KRT86: variants seen among roughly 807,000 people sequenced by gnomAD.
The protein encoded by KRT86 is keratin 86, also known as keratin, type II cuticular Hb6.
KRT86 carries 30 observed loss-of-function variants against 41.2 expected under a neutral mutation model. That is an observed-to-expected ratio of 0.73 (90% CI 0.54 to 0.99). The LOEUF (loss-of-function observed/expected upper bound fraction) is 0.99. Ranked by LOEUF, KRT86 falls within the 50% of genes least tolerant of loss-of-function variation. KRT86 has a pLI of 0.00. For missense variants in KRT86, 561 were observed against 571.4 expected, an observed-to-expected ratio of 0.98 and a Z score of 0.19; for synonymous variants, 238 against 238.1, an observed-to-expected ratio of 1.00 and a Z score of 0.00.
rs766555284 is a variant in KRT86, at chr12:52,301,930, C to G, written c.14C>G (p.Ser5Cys). The change falls in exon 3 of 11, where the codon TCT (serine) becomes TGT (cysteine). Residue 5 changes from serine to cysteine, a missense_variant. This residue lies in a region of KRT86 where 164 missense variants were observed against 172.5 expected (regional missense o/e 0.95). Transcript: ENST00000423955. ...CCAAAAAGCACCATGACTTGTGGATCTTACTGTGGTGGCCGCGCCTTCAGC... is the reference window on the plus strand; with the variant it reads ...CCAAAAAGCACCATGACTTGTGGATGTTACTGTGGTGGCCGCGCCTTCAGC... MTCGSYCGGRAFSCI... is the reference protein window; with the variant it reads MTCGCYCGGRAFSCI... 2 of 1,613,882 alleles carry G rather than the reference C, an allele frequency of 1.2e-6. No individual in the cohort carries two copies. The highest frequency in any genetic ancestry group is 1.6e-4 in the Middle Eastern group (1 of 6,062).
intron 2 of KRT86, chr12:52,286,094 G>A: frequency 1.4e-6 from 1 of 695,856 alleles, no homozygotes; most frequent in South Asian, 1.8e-5. Context: ...GCAGAGCCCA[G>A]AAGTGGGGGA....
At chr12:52,288,404 G>A (rs1163189405) in intron 2 of KRT86, 1 of 1,614,038 alleles carries the variant, frequency 6.2e-7, no homozygotes, top group South Asian at 1.1e-5. Context: ...CTGGATCAGG[G>A]CCTCCACGTT....
chr12:52,287,532 C>G, intron 2 of KRT86: 5 of 1,613,780 alleles, frequency 3.1e-6, no homozygotes, highest in Non-Finnish European at 4.2e-6. Flanking sequence ...GTAGGGCACA[C>G]ATAGGCTGTG....
At chr12:52,285,025 A>C (rs118126741) in intron 2 of KRT86, among the ~76,000 whole-genome samples, 2,971 of 152,362 alleles carry the variant, frequency 0.019, 45 homozygotes, top group Non-Finnish European at 0.033. Flanking sequence ...CATTCTGCAA[A>C]AGAATAACAC....
At position 52,308,720 on chromosome 12, in the gene KRT86, C is replaced by G. The variant is rs1239473613; in HGVS notation, c.*135C>G. The G allele has an allele frequency of 2.5e-6, 2 of 790,662 alleles. No homozygotes were observed. Among genetic ancestry groups the G allele is most frequent in the African/African-American group, 3.5e-5 (2 of 57,558 alleles). The allele number at this position is 790,662 out of a possible 1,614,324, so 49.0% of individuals were successfully genotyped here. ...GCCTGCACTCTAAGCGCCCTCCCCA[C>G]CGCTCCGCTCCGGGAGCCATCCCCG... is the stretch of plus-strand genomic sequence containing the variant. On this transcript the variant is annotated 3_prime_UTR_variant, in exon 11 of 11. Coordinates refer to ENST00000423955, the MANE Select transcript of KRT86 (RefSeq NM_001320198.2).
chr12:52,286,937 A>G (rs1937961641), intron 2 of KRT86: 45 of 1,531,686 alleles, frequency 2.9e-5, no homozygotes, highest in Non-Finnish European at 3.8e-5. Context: ...AGTCTGAGGG[A>G]ACAGCTTGCC....
Position 52,280,981 on chromosome 12 carries a change from C to T in KRT86, c.-5+5035C>T, listed in dbSNP as rs576468864. Among the ~76,000 whole-genome samples, 33 of 152,274 alleles carry T rather than the reference C, an allele frequency of 2.2e-4. 2 individuals carry two copies. In the South Asian group the frequency reaches 6.4e-3, roughly 30 times the overall value. On this transcript the variant is annotated intron_variant, in intron 2 of 10. Transcript: ENST00000423955. ...TTTTCAAATACCGAACCTGGACTTG[C>T]CTGATGTCAATCCAGAAGATCCCCA... is the stretch of plus-strand genomic sequence containing the variant.
At position 52,305,717 on chromosome 12, in the gene KRT86, AAGG is replaced by A. The variant is rs1263991494; in HGVS notation, c.961_963del (p.Glu321del). 6.2e-7 allele frequency: 1 copy of A among 1,613,962 alleles called. No individual in the cohort carries two copies. The highest frequency in any genetic ancestry group is 1.3e-5 in the African/African-American group (1 of 74,948). On this transcript the variant is annotated inframe_deletion, in exon 8 of 11. Transcript: ENST00000423955. ...GCACGGGGAGACCCTGCGCCGCACC[AAGG>A]AGGAGATCAACGAGCTGAACCGCAT...
chr12:52,299,058 T>C (rs138575799), intron 2 of KRT86, among the ~76,000 whole-genome samples: 21 of 152,338 alleles, frequency 1.4e-4, no homozygotes, highest in African/African-American at 4.8e-4. Flanking sequence ...ATTTCTGTTA[T>C]CTAACTGTAT....
Position 52,305,344 on chromosome 12 carries a change from A to G in KRT86, c.840A>G (p.Ala280=), listed in dbSNP as rs1938483053. Residue 280 remains alanine, a synonymous_variant, in exon 7 of 11, where the codon GCA becomes GCG. Coordinates refer to ENST00000423955, the MANE Select transcript of KRT86 (RefSeq NM_001320198.2). Reference sequence around the variant, plus strand: ...ACTGCATCATTGCCGAGATCAAGGCACAGTACGATGACATTGTCACCCGTA... The same window carrying G: ...ACTGCATCATTGCCGAGATCAAGGCGCAGTACGATGACATTGTCACCCGTA... ...NMDCIIAEIK[A]QYDDIVTRSR... is the part of the protein sequence containing the mutation. 13 of 1,614,254 alleles carry G rather than the reference A, an allele frequency of 8.1e-6. No homozygotes were observed. The highest frequency in any genetic ancestry group is 1.1e-5 in the Non-Finnish European group (13 of 1,180,042).
At chr12:52,288,382 G>A in intron 2 of KRT86, 1 of 1,614,132 alleles carries the variant, frequency 6.2e-7, no homozygotes, top group Non-Finnish European at 8.5e-7. Flanking sequence ...GCCGCCTCAG[G>A]AAGTCGATCT....
intron 2 of KRT86, 138 bp from the exon 3 acceptor site, chr12:52,301,775 T>C: frequency 6.3e-7 from 1 of 1,575,290 alleles, no homozygotes. Context: ...TTCTAATTGC[T>C]CCGACCCACG....
intron 2 of KRT86, among the ~76,000 whole-genome samples, chr12:52,301,229 G>T (rs1938365402): frequency 6.6e-6 from 1 of 152,024 alleles, no homozygotes; most frequent in Non-Finnish European, 1.5e-5. Context: ...GTGTGTGTAT[G>T]TGTGTGTGCA....
chr12:52,286,558 C>T (rs1185125182), intron 2 of KRT86: 4 of 1,483,638 alleles, frequency 2.7e-6, no homozygotes, highest in Non-Finnish European at 3.7e-6. Context: ...CTGACAACCG[C>T]CCCTGCCCAA....
At chr12:52,276,444 G>A (rs960795735) in intron 2 of KRT86, among the ~76,000 whole-genome samples, 3 of 152,122 alleles carry the variant, frequency 2.0e-5, no homozygotes, top group East Asian at 1.9e-4. Context: ...CTGGTGTGCC[G>A]CAGTCCCCAC....
Position 52,305,035 on chromosome 12 carries a change from C to G in KRT86, c.735+8C>G, listed in dbSNP as rs1301687375. 6.2e-7 allele frequency: 1 copy of G among 1,613,570 alleles called. No homozygotes were observed. The highest frequency in any genetic ancestry group is 8.5e-7 in the Non-Finnish European group (1 of 1,179,898). ...AGGCGGCTGTATGAGGAGGTGCGGG[C>G]TCAGGGGCCAGGCAGAGACCTGGCA... On this transcript the variant is annotated splice_region_variant and intron_variant, in intron 6 of 10. Coordinates refer to ENST00000423955, the MANE Select transcript of KRT86 (RefSeq NM_001320198.2).
chr12:52,291,925 G>A (rs1260582764), intron 2 of KRT86, among the ~76,000 whole-genome samples: 1 of 151,944 alleles, frequency 6.6e-6, no homozygotes, highest in Non-Finnish European at 1.5e-5. Context: ...GTGGGGAGAG[G>A]GGTTTCAGGA....
rs894787523 is a variant in KRT86, at chr12:52,304,821, G to T, written c.640-111G>T. The T allele has an allele frequency of 4.3e-5, 51 of 1,189,486 alleles. No homozygotes were observed. The African/African-American group carries it at 6.5e-4, about 15-fold the overall frequency. 73.7% of individuals were successfully genotyped at this position (1,189,486 alleles called of 1,614,324 possible). ...GAAGGGAAGGAGAGGGCATGGGAAT[G>T]AGACACTGGGGACTCCTTTCCCCAG... On this transcript the variant is annotated intron_variant, in intron 5 of 10. Coordinates refer to ENST00000423955, the MANE Select transcript of KRT86 (RefSeq NM_001320198.2).
chr12:52,306,416 C>T lies in KRT86; in HGVS notation c.1247+136C>T, dbSNP rs147800469. On this transcript the variant is annotated intron_variant, in intron 9 of 10. Transcript: ENST00000423955. ...AACCAGACAGGTAATTTGTGTAAGT[C>T]CTTTAAGTATGATCTAGCCCCGTTT... 90 of 1,373,994 alleles carry T rather than the reference C, an allele frequency of 6.6e-5. No homozygotes were observed. The East Asian group carries it at 1.5e-3, about 23-fold the overall frequency. 85.1% of individuals were successfully genotyped at this position (1,373,994 alleles called of 1,614,324 possible).
Sources: allele counts gnomAD v4.1 joint callset (sites outside exome capture counted in the v4.1 genomes callset), GRCh38; gene constraint gnomAD v4.1.1; regional missense constraint gnomAD v4.1.1; transcripts MANE v1.5; gene names NCBI Gene and HGNC (gene_info 2026-07-23, HGNC 2026-07-21).